MYT1L: variants seen among roughly 807,000 people sequenced by gnomAD.
MYT1L encodes the protein myelin transcription factor 1 like, also known as myelin transcription factor 1-like protein.
A neutral mutation model predicts 126.7 loss-of-function variants in MYT1L; 12 were observed. The observed-to-expected ratio is 0.09, with a 90% CI of 0.06 to 0.15. The LOEUF (loss-of-function observed/expected upper bound fraction) is 0.15, where lower values mean the gene tolerates loss of function less well. Among genes scored for constraint, MYT1L ranks in the 10% least tolerant of loss-of-function variants. MYT1L has a pLI of 1.00. For missense variants in MYT1L, 979 were observed against 1,585.2 expected, an observed-to-expected ratio of 0.62 and a Z score of 6.49; for synonymous variants, 541 against 604.2, an observed-to-expected ratio of 0.90 and a Z score of 1.53.
chr2:2,272,389 C>G (rs1333496498), intron 2 of MYT1L, among the ~76,000 whole-genome samples: 7 of 152,212 alleles, frequency 4.6e-5, no homozygotes. Context: ...CCCTGGTGCT[C>G]TCAGAGGTGC....
intron 18 of MYT1L, among the ~76,000 whole-genome samples, chr2:1,876,259 C>G (rs76987826): frequency 0.018 from 2,678 of 152,240 alleles, 66 homozygotes; most frequent in African/African-American, 0.062. Flanking sequence ...TGGCAACAGA[C>G]TCAGGGCGTG....
At chr2:1,965,538 G>A (rs68090029) in intron 8 of MYT1L, among the ~76,000 whole-genome samples, 14,368 of 152,000 alleles carry the variant, frequency 0.095, 1,060 homozygotes, top group African/African-American at 0.21. Context: ...TTTGTTTGGA[G>A]GAACCTGGAG....
At chr2:2,235,809 G>A (rs911998527) in intron 2 of MYT1L, among the ~76,000 whole-genome samples, 4 of 152,016 alleles carry the variant, frequency 2.6e-5, no homozygotes, top group Admixed American at 6.6e-5. Flanking sequence ...TATAAGGTAC[G>A]CCCCTCCCTC....
At chr2:2,052,269 TAAAAAGAA>T (rs1026437232) in intron 4 of MYT1L, among the ~76,000 whole-genome samples, 3 of 152,112 alleles carry the variant, frequency 2.0e-5, no homozygotes, top group African/African-American at 7.2e-5. Context: ...CTTAAACCTG[TAAAAAGAA>T]AAATTAACTC....
rs142102410 is a variant in MYT1L, at chr2:2,157,729, T to C, written c.-304+15143A>G. On this transcript the variant is annotated intron_variant, in intron 3 of 24. Transcript: ENST00000647738. The stretch of plus-strand genomic sequence containing the variant: ...ATTCATCTGCTTCTTTTATAGGATA[T>C]GCATGGTTTGCTTTGCTCTCATTTA... 3.3e-5 allele frequency among the ~76,000 whole-genome samples: 5 copies of C among 152,338 alleles called. No individual in the cohort carries two copies. The East Asian group carries it at 5.8e-4, about 18-fold the overall frequency.
chr2:1,953,032 C>T (rs564232243), intron 8 of MYT1L, among the ~76,000 whole-genome samples: 107 of 145,516 alleles, frequency 7.4e-4, no homozygotes, highest in Non-Finnish European at 1.3e-3. Flanking sequence ...TTCCTCTTTC[C>T]TCTTTCCTTC....
chr2:2,270,789 G>A lies in MYT1L; in HGVS notation c.-421+13615C>T, dbSNP rs190793051. 6.6e-5 allele frequency among the ~76,000 whole-genome samples: 10 copies of A among 152,046 alleles called. No individual in the cohort carries two copies. In the East Asian group the frequency reaches 1.6e-3, roughly 24 times the overall value. On this transcript the variant is annotated intron_variant, in intron 2 of 24. Coordinates refer to ENST00000647738, the MANE Select transcript of MYT1L (RefSeq NM_001303052.2). ...CCTGCCCCAGCTCAGTCAGGATGCC[G>A]TGCCCCCTCCCAGCCAGTTTGAGGC...
intron 4 of MYT1L, among the ~76,000 whole-genome samples, chr2:2,008,005 A>T (rs1343682604): frequency 6.6e-6 from 1 of 152,172 alleles, no homozygotes; most frequent in Non-Finnish European, 1.5e-5. Context: ...TGCAGAGAGC[A>T]TCTCTATAGT....
chr2:1,836,216 C>T (rs1009080068), intron 21 of MYT1L, among the ~76,000 whole-genome samples: 1 of 152,124 alleles, frequency 6.6e-6, no homozygotes, highest in Non-Finnish European at 1.5e-5. Flanking sequence ...AAGATTCCAA[C>T]AGCCTGCACC....
At chr2:2,074,579 C>T (rs961891498) in intron 3 of MYT1L, among the ~76,000 whole-genome samples, 2 of 152,192 alleles carry the variant, frequency 1.3e-5, no homozygotes, top group Non-Finnish European at 2.9e-5. Context: ...AAGAAATTCA[C>T]ACCCAACGGG....
chr2:2,265,332 T>A (rs892572163), intron 2 of MYT1L, among the ~76,000 whole-genome samples: 3 of 152,080 alleles, frequency 2.0e-5, no homozygotes, highest in Non-Finnish European at 4.4e-5. Flanking sequence ...TTCCTTTTTT[T>A]AAATGATAAT....
chr2:2,163,143 A>G (rs1036928520), intron 3 of MYT1L, among the ~76,000 whole-genome samples: 5 of 152,082 alleles, frequency 3.3e-5, no homozygotes, highest in African/African-American at 1.2e-4. Context: ...GGACCACCTG[A>G]CCCTAAATGA....
rs367766492 is a variant in MYT1L at position 2,137,894 on chromosome 2, A to G, written c.-304+34978T>C. Among the ~76,000 whole-genome samples the G allele has an allele frequency of 7.3e-3, 1,110 of 152,250 alleles. 15 individuals carry two copies. The highest frequency in any genetic ancestry group is 0.027 in the Middle Eastern group (8 of 294). ...CAGCAAAAGAAACTACCATCAGAGT[A>G]AACAGGCAACCCACAAAATGGGAGA... On this transcript the variant is annotated intron_variant, in intron 3 of 24. Coordinates refer to ENST00000647738, the MANE Select transcript of MYT1L (RefSeq NM_001303052.2).
chr2:1,946,668 A>G (rs1456876719), intron 8 of MYT1L, among the ~76,000 whole-genome samples: 2 of 152,214 alleles, frequency 1.3e-5, no homozygotes, highest in Non-Finnish European at 2.9e-5. Context: ...AATTTTAATC[A>G]CCAGATAATT....
At chr2:1,850,741 G>A (rs759920843) in intron 19 of MYT1L, among the ~76,000 whole-genome samples, 9 of 152,138 alleles carry the variant, frequency 5.9e-5, no homozygotes, top group South Asian at 2.1e-4. Flanking sequence ...CACCCTGGCC[G>A]GCCATCAGCA....
At chr2:1,919,032 G>A (rs2053217757) in intron 10 of MYT1L, among the ~76,000 whole-genome samples, 1 of 152,184 alleles carries the variant, frequency 6.6e-6, no homozygotes, top group Admixed American at 6.5e-5. Flanking sequence ...TGAACTAGAT[G>A]TAAATGGCTA....
intron 3 of MYT1L, among the ~76,000 whole-genome samples, chr2:2,115,559 A>G (rs1372299486): frequency 6.6e-6 from 1 of 152,262 alleles, no homozygotes; most frequent in Non-Finnish European, 1.5e-5. Context: ...CCAAATGTGT[A>G]AACTTAAACT....
chr2:1,983,477 T>C (rs1381133484), intron 5 of MYT1L, among the ~76,000 whole-genome samples: 1 of 152,206 alleles, frequency 6.6e-6, no homozygotes, highest in Non-Finnish European at 1.5e-5. Flanking sequence ...ATAAAACGTA[T>C]GGTCTGAAAT....
chr2:1,966,922 T>C (rs2059408525), intron 8 of MYT1L, among the ~76,000 whole-genome samples: 1 of 152,182 alleles, frequency 6.6e-6, no homozygotes, highest in South Asian at 2.1e-4. Context: ...CATTGTGACT[T>C]TGAAACAATA....
Sources: gnomAD v4.1 joint callset for allele counts (sites outside exome capture counted in the v4.1 genomes callset) on GRCh38, gnomAD v4.1.1 for gene constraint, MANE v1.5 for transcripts, NCBI Gene and HGNC (gene_info 2026-07-23, HGNC 2026-07-21) for gene names.